The following CEP128 variants were observed in gnomAD, a reference collection of about 807,000 sequenced individuals.
The protein encoded by CEP128 is centrosomal protein 128kDa.
In CEP128, 132 loss-of-function variants were observed where a neutral mutation model predicts 156.7. The observed-to-expected ratio is 0.84, with a 90% CI of 0.73 to 0.97. CEP128 has a LOEUF of 0.97. CEP128 is among the 50% of genes least tolerant of loss of function. The pLI is 0.00. For synonymous variants in CEP128, 469 were observed against 448.9 expected, an observed-to-expected ratio of 1.04 and a Z score of -0.57; for missense variants, 1,252 against 1,281.9, an observed-to-expected ratio of 0.98 and a Z score of 0.36.
At chr14:80,591,956 A>G (rs1239593458) in intron 19 of CEP128, among the ~76,000 whole-genome samples, 1 of 152,244 alleles carries the variant, frequency 6.6e-6, no homozygotes, top group Non-Finnish European at 1.5e-5. Context: ...GTTTGAAACC[A>G]ATGAGAACAA....
intron 19 of CEP128, among the ~76,000 whole-genome samples, chr14:80,682,978 T>C (rs1566854757): frequency 6.6e-6 from 1 of 151,866 alleles, no homozygotes; most frequent in African/African-American, 2.4e-5. Flanking sequence ...GATAGCTAGT[T>C]GCCCACCACC....
intron 23 of CEP128, among the ~76,000 whole-genome samples, chr14:80,512,768 G>C (rs1888318320): frequency 6.6e-6 from 1 of 151,262 alleles, no homozygotes; most frequent in Admixed American, 6.6e-5. Context: ...GTTATCATGA[G>C]GTTTGCAAAT....
chr14:80,558,522 TTG>T (rs1036303944), intron 21 of CEP128, among the ~76,000 whole-genome samples: 22 of 152,094 alleles, frequency 1.4e-4, no homozygotes, highest in African/African-American at 5.3e-4. Flanking sequence ...TCTCCTGACC[TTG>T]TGATCCACCC....
intron 16 of CEP128, among the ~76,000 whole-genome samples, chr14:80,763,032 T>C (rs894590668): frequency 1.3e-5 from 2 of 152,160 alleles, no homozygotes; most frequent in Non-Finnish European, 2.9e-5. Flanking sequence ...AATCAGAATG[T>C]CCATGTCAGC....
intron 20 of CEP128, among the ~76,000 whole-genome samples, chr14:80,564,448 A>G (rs1355920124): frequency 5.9e-5 from 9 of 152,214 alleles, no homozygotes; most frequent in African/African-American, 2.2e-4. Flanking sequence ...ATTTTGGGGG[A>G]AGCCTAAAGC....
chr14:80,749,167 T>C (rs1221074921), intron 18 of CEP128, among the ~76,000 whole-genome samples: 2 of 151,964 alleles, frequency 1.3e-5, no homozygotes, highest in Non-Finnish European at 2.9e-5. Context: ...TGAGGGAAAG[T>C]AGGGAAGAGA....
At chr14:80,804,344 C>T (rs1041682320) in intron 13 of CEP128, among the ~76,000 whole-genome samples, 2 of 152,032 alleles carry the variant, frequency 1.3e-5, no homozygotes, top group Admixed American at 1.3e-4. Flanking sequence ...GTATCAAAAT[C>T]ATATACTGCA....
chr14:80,568,032 C>A (rs544591643), intron 20 of CEP128, among the ~76,000 whole-genome samples: 1 of 151,950 alleles, frequency 6.6e-6, no homozygotes, highest in Non-Finnish European at 1.5e-5. Flanking sequence ...AATCATATTG[C>A]AAGAATGATT....
intron 4 of CEP128, 117 bp from the exon 5 acceptor site, chr14:80,906,198 G>A (rs749907055): frequency 2.8e-6 from 2 of 716,958 alleles, no homozygotes; most frequent in East Asian, 3.3e-5. Context: ...CCAAAAAAAG[G>A]TATCAGAAAA....
At chr14:80,492,460 C>G (rs1220873391), downstream of CEP128, among the ~76,000 whole-genome samples, 1 of 152,116 alleles carries the variant, frequency 6.6e-6, no homozygotes, top group Admixed American at 6.6e-5. Context: ...CTCTAGCCCA[C>G]AGGCTGGCCC....
At chr14:80,689,644 A>G (rs555964508) in intron 19 of CEP128, among the ~76,000 whole-genome samples, 1 of 152,302 alleles carries the variant, frequency 6.6e-6, no homozygotes, top group Non-Finnish European at 1.5e-5. Flanking sequence ...TTAGGTTTTG[A>G]AGAGTTTAAA....
At chr14:80,900,895 A>G (rs1595566228) in intron 6 of CEP128, among the ~76,000 whole-genome samples, 1 of 152,206 alleles carries the variant, frequency 6.6e-6, no homozygotes, top group South Asian at 2.1e-4. Context: ...ACCCCTTGGG[A>G]AAAGATGGAG....
At chr14:80,661,502 TAAG>T (rs139404606) in intron 19 of CEP128, among the ~76,000 whole-genome samples, 10,096 of 152,172 alleles carry the variant, frequency 0.066, 1,103 homozygotes, top group African/African-American at 0.23. Flanking sequence ...GTCTCCCTCT[TAAG>T]AATAAAAACA....
chr14:80,495,001 C>T (rs1887444663), downstream of CEP128, among the ~76,000 whole-genome samples: 1 of 152,140 alleles, frequency 6.6e-6, no homozygotes, highest in African/African-American at 2.4e-5. Flanking sequence ...CCCCTGTAGC[C>T]TTCAGCAACT....
intron 17 of CEP128, 107 bp from the exon 18 acceptor site, chr14:80,757,058 G>T: frequency 2.8e-6 from 2 of 713,486 alleles, no homozygotes; most frequent in Non-Finnish European, 4.5e-6. Context: ...CCCAATTTAA[G>T]GATTTAAAAA....
downstream of CEP128, among the ~76,000 whole-genome samples, chr14:80,494,434 T>A (rs570411762): frequency 1.3e-5 from 2 of 152,274 alleles, no homozygotes; most frequent in South Asian, 4.2e-4. Context: ...GTAGTTGCAT[T>A]TAGAGTAAGA....
intron 19 of CEP128, among the ~76,000 whole-genome samples, chr14:80,690,746 C>G (rs915137274): frequency 6.6e-6 from 1 of 152,168 alleles, no homozygotes; most frequent in African/African-American, 2.4e-5. Flanking sequence ...TCCCCACTCC[C>G]CTTACTGAAT....
At chr14:80,851,387 A>C (rs1402627905) in intron 9 of CEP128, among the ~76,000 whole-genome samples, 1 of 152,162 alleles carries the variant, frequency 6.6e-6, no homozygotes, top group African/African-American at 2.4e-5. Context: ...GAGGAACGGG[A>C]AAGTTTTCCC....
chr14:80,518,192 T>C (rs1182254214), intron 23 of CEP128, among the ~76,000 whole-genome samples: 2 of 150,224 alleles, frequency 1.3e-5, no homozygotes. Flanking sequence ...TGATAGATGA[T>C]TGACTATTTA....
Sources: gnomAD v4.1 joint callset for allele counts (sites outside exome capture counted in the v4.1 genomes callset) on GRCh38, gnomAD v4.1.1 for gene constraint, MANE v1.5 for transcripts, NCBI Gene and HGNC (gene_info 2026-07-23, HGNC 2026-07-21) for gene names.